NBAS: variants seen among roughly 807,000 people sequenced by gnomAD.
NBAS encodes NBAS subunit of NRZ tethering complex, also known as NAG/BC035112 fusion.
NBAS carries 219 observed loss-of-function variants against 302.5 expected under a neutral mutation model. The observed-to-expected ratio is 0.72, with a 90% CI of 0.65 to 0.81. The LOEUF is 0.81. Among genes scored for constraint, NBAS ranks in the 30% least tolerant of loss-of-function variants. The pLI, the probability that NBAS is intolerant of heterozygous loss-of-function variation, is 0.00. For missense variants in NBAS, 2,932 were observed against 2,841.6 expected, an observed-to-expected ratio of 1.03 and a Z score of -0.72; for synonymous variants, 1,118 against 1,021.6, an observed-to-expected ratio of 1.09 and a Z score of -1.80.
At chr2:15,088,674 G>A in the NBAS span, among the ~76,000 whole-genome samples, 1 of 152,202 alleles carries the variant, frequency 6.6e-6, no homozygotes, top group African/African-American at 2.4e-5. Flanking sequence ...GCTTCCTAGA[G>A]GACCATCAGA....
chr2:15,265,539 G>T (rs6738994), intron 44 of NBAS, among the ~76,000 whole-genome samples: 89,385 of 152,002 alleles, frequency 0.59, 29,153 homozygotes, highest in African/African-American at 0.87. Context: ...CCACTAGAAT[G>T]AGGGACCATA....
the NBAS span, among the ~76,000 whole-genome samples, chr2:15,025,601 A>G: frequency 0.77 from 117,136 of 152,014 alleles, 45,398 homozygotes; most frequent in East Asian, 1. Flanking sequence ...ATGAGGATGG[A>G]ATGTTTTTCC....
At chr2:15,245,515 A>G (rs1668053045) in intron 44 of NBAS, among the ~76,000 whole-genome samples, 1 of 152,066 alleles carries the variant, frequency 6.6e-6, no homozygotes, top group Admixed American at 6.6e-5. Context: ...TAATTGACAT[A>G]CTGGGCTTCT....
Position 15,234,608 on chromosome 2 carries a change from G to GGCC in NBAS, c.6082_6083insGGC (p.Gly2027_Pro2028insArg), listed in dbSNP as rs754411295. On this transcript the variant is annotated inframe_insertion, in exon 46 of 52. Coordinates refer to ENST00000281513, the MANE Select transcript of NBAS (RefSeq NM_015909.4). ...TATATCCTTGGGTGAGATGTCAAGA[G>GGCC]GGCCAACTGCCACCTCTAGCAGCTG... 6.2e-7 allele frequency: 1 copy of GGCC among 1,614,120 alleles called. No homozygotes were observed.
At chr2:15,131,482 T>A in the NBAS span, among the ~76,000 whole-genome samples, 2 of 152,240 alleles carry the variant, frequency 1.3e-5, no homozygotes, top group Non-Finnish European at 2.9e-5. Flanking sequence ...CCATGTTGTA[T>A]GCTTCTCAAT....
the NBAS span, among the ~76,000 whole-genome samples, chr2:15,086,308 G>T: frequency 6.6e-6 from 1 of 152,174 alleles, no homozygotes; most frequent in African/African-American, 2.4e-5. Flanking sequence ...CTGAACACTC[G>T]GGATACCCTG....
the NBAS span, among the ~76,000 whole-genome samples, chr2:14,903,143 G>A: frequency 1.4e-4 from 22 of 152,136 alleles, no homozygotes; most frequent in Non-Finnish European, 1.5e-4. Context: ...GTGTCCTAGC[G>A]TGTAAGGGCC....
At position 15,327,790 on chromosome 2, in the gene NBAS, T is replaced by C. The variant is rs1051268718; in HGVS notation, c.4542A>G (p.Ala1514=). The C allele has an allele frequency of 5.0e-6, 8 of 1,613,822 alleles. No individual in the cohort carries two copies. The highest frequency in any genetic ancestry group is 6.8e-6 in the Non-Finnish European group (8 of 1,179,804). Residue 1514 remains alanine, a synonymous_variant, in exon 38 of 52, where the codon GCA becomes GCG. Transcript: ENST00000281513. ...AEVLLRTGKL[A]EAKNKGEVFP... Reference sequence around the variant, plus strand: ...ATACTTCTCCTTTATTTTTAGCCTCTGCCAATTTTCCAGTTCTCAGCAATA... The same window carrying C: ...ATACTTCTCCTTTATTTTTAGCCTCCGCCAATTTTCCAGTTCTCAGCAATA...
the NBAS span, among the ~76,000 whole-genome samples, chr2:15,098,403 T>TGTATATAATATATC: frequency 1.0e-3 from 19 of 18,148 alleles, 5 homozygotes; most frequent in African/African-American, 2.5e-3. Context: ...TATTATATAT[T>TGTATATAATATATC]ATATATGATA....
chr2:14,839,117 A>G, the NBAS span, among the ~76,000 whole-genome samples: 12 of 151,984 alleles, frequency 7.9e-5, no homozygotes. Flanking sequence ...CCAAATATAC[A>G]GCACCAAGAT....
At chr2:15,027,430 AT>A in the NBAS span, among the ~76,000 whole-genome samples, 2 of 96,588 alleles carry the variant, frequency 2.1e-5, no homozygotes, top group East Asian at 4.6e-4. Context: ...TTGTAAATAA[AT>A]TTTTTTCCAT....
Position 15,467,729 on chromosome 2 carries a change from G to A in NBAS, c.1953C>T (p.Ala651=), listed in dbSNP as rs754900738. The A allele has an allele frequency of 1.2e-5, 20 of 1,608,520 alleles. No homozygotes were observed. Among genetic ancestry groups the A allele is most frequent in the Non-Finnish European group, 1.0e-5 (12 of 1,175,494 alleles). The change falls in exon 18 of 52, where the codon GCC becomes GCT. Residue 651 remains alanine (A), a synonymous_variant. Transcript: ENST00000281513. ...TGAGCTCCTTTTCCTTTTTATTCTT[G>A]GCAGGCTCTTCATCAGGTGGTGAAA... is the stretch of plus-strand genomic sequence containing the variant. The part of the protein sequence containing the change: ...EELSPPDEEP[A]KNKKEKELKK...
chr2:15,308,192 A>G (rs780303996), intron 40 of NBAS, 24 bp downstream of exon 40: 3 of 1,614,054 alleles, frequency 1.9e-6, no homozygotes, highest in East Asian at 4.5e-5. Flanking sequence ...GCTCAATAAT[A>G]AGCTGGAAAT....
the NBAS span, among the ~76,000 whole-genome samples, chr2:14,987,238 G>T: frequency 3.2e-4 from 49 of 152,014 alleles, no homozygotes; most frequent in African/African-American, 1.1e-3. Flanking sequence ...AACATCAGTT[G>T]CTGATTGTCT....
chr2:15,011,474 G>A, the NBAS span, among the ~76,000 whole-genome samples: 2 of 152,140 alleles, frequency 1.3e-5, no homozygotes, highest in Non-Finnish European at 2.9e-5. Flanking sequence ...TCAGACCGGA[G>A]AAACAGACCC....
At chr2:15,446,336 C>T (rs771804718) in intron 21 of NBAS, among the ~76,000 whole-genome samples, 48 of 151,898 alleles carry the variant, frequency 3.2e-4, no homozygotes, top group Non-Finnish European at 5.9e-4. Context: ...CAAAGAGAAA[C>T]AAAGATAAAG....
the NBAS span, among the ~76,000 whole-genome samples, chr2:14,893,943 C>A: frequency 2.6e-5 from 4 of 152,182 alleles, no homozygotes; most frequent in African/African-American, 9.7e-5. Context: ...TTAGTAAAAT[C>A]TATTCTGTTG....
chr2:15,472,701 A>C (rs1680012607), intron 16 of NBAS, among the ~76,000 whole-genome samples: 1 of 151,994 alleles, frequency 6.6e-6, no homozygotes, highest in Admixed American at 6.6e-5. Context: ...TCCATCCTAC[A>C]TGCTGCAACC....
chr2:15,004,404 T>C, the NBAS span, among the ~76,000 whole-genome samples: 2 of 152,228 alleles, frequency 1.3e-5, no homozygotes, highest in African/African-American at 2.4e-5. Context: ...TTTTCCTGAT[T>C]TTTATATTTG....
Sources: gnomAD v4.1 joint callset for allele counts (sites outside exome capture counted in the v4.1 genomes callset) on GRCh38, gnomAD v4.1.1 for gene constraint, MANE v1.5 for transcripts, NCBI Gene and HGNC (gene_info 2026-07-23, HGNC 2026-07-21) for gene names.